Variants in SDK1 observed in about 807,000 individuals in gnomAD.
SDK1 encodes sidekick cell adhesion molecule 1.
SDK1 carries 157 observed loss-of-function variants against 245.5 expected under a neutral mutation model. That is an observed-to-expected ratio of 0.64 (90% CI 0.56 to 0.73). The LOEUF (loss-of-function observed/expected upper bound fraction) is 0.73, where lower values mean the gene tolerates loss of function less well. SDK1 is among the 30% of genes least tolerant of loss of function. The probability of loss-of-function intolerance (pLI) is 0.00; values close to 1 mark genes in which losing one functional copy is unlikely to be tolerated. For synonymous variants in SDK1, 1,647 were observed against 1,278.5 expected (o/e 1.29, Z -6.15); for missense variants, 3,583 against 3,002.3 (o/e 1.19, Z -4.52).
At chr7:4,260,764 C>T (rs540395608) in intron 44 of SDK1, among the ~76,000 whole-genome samples, 11 of 146,482 alleles carry the variant, frequency 7.5e-5, no homozygotes, top group African/African-American at 2.5e-4. Flanking sequence ...CTGGCTGCTC[C>T]GGGGTCTCTG....
At chr7:4,241,221 T>C (rs1786498948) in intron 42 of SDK1, among the ~76,000 whole-genome samples, 1 of 152,226 alleles carries the variant, frequency 6.6e-6, no homozygotes, top group Non-Finnish European at 1.5e-5. Flanking sequence ...GGAAGCTCTG[T>C]ACCCTTTCTT....
chr7:3,616,109 C>T (rs1372617199), intron 1 of SDK1, among the ~76,000 whole-genome samples: 1 of 152,116 alleles, frequency 6.6e-6, no homozygotes, highest in South Asian at 2.1e-4. Flanking sequence ...GCTGGTCTTG[C>T]ACTCGAGCTC....
At chr7:3,449,632 C>T (rs1188626356) in intron 1 of SDK1, among the ~76,000 whole-genome samples, 1 of 152,190 alleles carries the variant, frequency 6.6e-6, no homozygotes, top group Non-Finnish European at 1.5e-5. Flanking sequence ...TAATGTGCTA[C>T]ATTCCTAGGA....
intron 35 of SDK1, among the ~76,000 whole-genome samples, chr7:4,198,740 A>AGGGT (rs1350024586): frequency 6.6e-6 from 1 of 151,788 alleles, no homozygotes; most frequent in Non-Finnish European, 1.5e-5. Context: ...CCAAGTTCAT[A>AGGGT]TCGAGCTCAT....
At chr7:3,932,587 C>G (rs1304703873) in intron 5 of SDK1, among the ~76,000 whole-genome samples, 1 of 152,176 alleles carries the variant, frequency 6.6e-6, no homozygotes, top group African/African-American at 2.4e-5. Flanking sequence ...TGAAGACTTC[C>G]TGATTTGTTT....
intron 22 of SDK1, among the ~76,000 whole-genome samples, chr7:4,085,673 G>T (rs992789655): frequency 2.6e-5 from 4 of 152,160 alleles, no homozygotes; most frequent in African/African-American, 9.7e-5. Context: ...TCCTGCCTCA[G>T]CCTCCTGAGT....
intron 4 of SDK1, among the ~76,000 whole-genome samples, chr7:3,699,212 T>C (rs1784670118): frequency 6.6e-6 from 1 of 152,198 alleles, no homozygotes; most frequent in Admixed American, 6.5e-5. Flanking sequence ...TGTCCAGGTT[T>C]CTAGTGAAAA....
intron 19 of SDK1, 117 bp from the exon 20 acceptor site, chr7:4,067,721 G>A (rs1283756931): frequency 1.5e-6 from 1 of 672,030 alleles, no homozygotes. Flanking sequence ...GTCTCCTGCA[G>A]GGTTTTGCAG....
intron 19 of SDK1, among the ~76,000 whole-genome samples, chr7:4,054,443 T>C (rs1779079151): frequency 6.6e-6 from 1 of 152,198 alleles, no homozygotes. Flanking sequence ...TTTTTCTCTT[T>C]TGTGCATATG....
chr7:3,963,827 A>T (rs577260219), intron 9 of SDK1, among the ~76,000 whole-genome samples: 27 of 151,850 alleles, frequency 1.8e-4, no homozygotes, highest in African/African-American at 6.0e-4. Context: ...ACCCAGGCCG[A>T]CGGCTACCCA....
In SDK1 at chr7:3,959,101, A is replaced by G. The variant is rs192340561; in HGVS notation, c.1234+87A>G. ...TCCATAGCAGAATTGCCATCATTCT[A>G]GGGAGACATTGAGTGTGATGGCGAA... is the stretch of plus-strand genomic sequence containing the variant. On this transcript the variant is annotated intron_variant, in intron 8 of 44. Transcript: ENST00000404826. 1.2e-4 allele frequency: 119 copies of G among 1,022,932 alleles called. 1 individual carries two copies. In the African/African-American group the frequency reaches 1.8e-3, roughly 15 times the overall value. The allele number at this position is 1,022,932 out of a possible 1,614,324, so 63.4% of individuals were successfully genotyped here.
chr7:4,095,682 G>T (rs1239362903), intron 22 of SDK1, among the ~76,000 whole-genome samples: 1 of 151,984 alleles, frequency 6.6e-6, no homozygotes, highest in East Asian at 1.9e-4. Context: ...AAGCGATTCT[G>T]CTGCCTCAGC....
At chr7:3,544,552 C>G (rs1239887530) in intron 1 of SDK1, among the ~76,000 whole-genome samples, 3 of 152,212 alleles carry the variant, frequency 2.0e-5, no homozygotes, top group African/African-American at 7.2e-5. Context: ...CCCAAAGTAG[C>G]GTTTAGATTT....
At chr7:3,316,453 G>A (rs1057411377) in intron 1 of SDK1, among the ~76,000 whole-genome samples, 3 of 152,186 alleles carry the variant, frequency 2.0e-5, no homozygotes, top group African/African-American at 7.2e-5. Context: ...AGTGATGTCT[G>A]TGATGTTCGC....
At chr7:3,560,277 T>G (rs1779706908) in intron 1 of SDK1, among the ~76,000 whole-genome samples, 1 of 152,224 alleles carries the variant, frequency 6.6e-6, no homozygotes, top group African/African-American at 2.4e-5. Flanking sequence ...TAATTACATT[T>G]TATTGATGTA....
At chr7:3,511,710 C>T (rs1311925178) in intron 1 of SDK1, among the ~76,000 whole-genome samples, 1 of 151,816 alleles carries the variant, frequency 6.6e-6, no homozygotes, top group Non-Finnish European at 1.5e-5. Flanking sequence ...ACAGTTAAAG[C>T]ATAAAAAGTT....
Position 3,971,430 on chromosome 7 carries a change from T to G in SDK1, c.1715-36T>G, listed in dbSNP as rs915424247. 20 of 1,462,690 alleles carry G rather than the reference T, an allele frequency of 1.4e-5. No individual in the cohort carries two copies. The African/African-American group carries it at 2.1e-4, about 15-fold the overall frequency. 90.6% of individuals were successfully genotyped at this position (1,462,690 alleles called of 1,614,324 possible). ...CTGAGGGCAGAAACTGTCAAACTTG[T>G]CATTTCGTCTGACTCGTGACTTGTG... On this transcript the variant is annotated intron_variant, in intron 11 of 44. Coordinates refer to ENST00000404826, the MANE Select transcript of SDK1 (RefSeq NM_152744.4).
rs200686933 is a variant in SDK1 at position 4,210,071 on chromosome 7, C to T, written c.5448C>T (p.Thr1816=). 4 of 1,608,274 alleles carry T rather than the reference C, an allele frequency of 2.5e-6. No individual in the cohort carries two copies. Among genetic ancestry groups the T allele is most frequent in the Middle Eastern group, 1.7e-4 (1 of 6,042 alleles). ...SFLAFSEITS[T]TLNVSWGEPA... ...TGGCGTTCTCAGAAATAACCTCCAC[C>T]ACGCTCAACGTGTCCTGGGGCGAGC... The change falls in exon 38 of 45, where the codon ACC becomes ACT. Residue 1816 remains threonine (T), a synonymous_variant. Transcript: ENST00000404826.
chr7:4,067,858 C>T lies in SDK1; in HGVS notation c.2932C>T (p.Leu978=). 6.2e-7 allele frequency: 1 copy of T among 1,613,030 alleles called. No individual in the cohort carries two copies. The highest frequency in any genetic ancestry group is 8.5e-7 in the Non-Finnish European group (1 of 1,179,606). The change falls in exon 20 of 45, where the codon CTG becomes TTG. Residue 978 remains leucine, a synonymous_variant. Coordinates refer to ENST00000404826, the MANE Select transcript of SDK1 (RefSeq NM_152744.4). ...GGTAGAACCAGGAGCTGTGGGACATCTGAGTTTCACAGAGATCTTGGACAC... is the reference window on the plus strand; with the variant it reads ...GGTAGAACCAGGAGCTGTGGGACATTTGAGTTTCACAGAGATCTTGGACAC... ...QEDKPGAVGH[L]SFTEILDTSL...
Sources: gnomAD v4.1 joint callset for allele counts (sites outside exome capture counted in the v4.1 genomes callset) on GRCh38, gnomAD v4.1.1 for gene constraint, MANE v1.5 for transcripts, NCBI Gene and HGNC (gene_info 2026-07-23, HGNC 2026-07-21) for gene names.